SNX29: variants seen among roughly 807,000 people sequenced by gnomAD.
SNX29 encodes the protein sorting nexin-29.
SNX29 carries 78 observed loss-of-function variants against 102.1 expected under a neutral mutation model. The observed-to-expected ratio is 0.76, with a 90% CI of 0.64 to 0.92. The LOEUF is 0.92. Among genes scored for constraint, SNX29 ranks in the 40% least tolerant of loss-of-function variants. The probability of loss-of-function intolerance (pLI) is 0.00; values close to 1 mark genes in which losing one functional copy is unlikely to be tolerated. For missense variants in SNX29, 1,280 were observed against 1,061.7 expected (o/e 1.21, Z -2.86); for synonymous variants, 580 against 414.5 (o/e 1.40, Z -4.85).
intron 13 of SNX29, among the ~76,000 whole-genome samples, chr16:12,197,532 C>G (rs2076807751): frequency 6.6e-6 from 1 of 152,196 alleles, no homozygotes; most frequent in African/African-American, 2.4e-5. Flanking sequence ...GATCATGCTA[C>G]TGCACTCCAG....
chr16:12,238,241 A>T (rs2077995586), intron 14 of SNX29, among the ~76,000 whole-genome samples: 2 of 150,882 alleles, frequency 1.3e-5, no homozygotes, highest in South Asian at 4.2e-4. Context: ...TGTGAAAGGG[A>T]GGAAATTAAG....
chr16:12,386,141 G>A (rs983138630), intron 16 of SNX29, among the ~76,000 whole-genome samples: 3 of 152,208 alleles, frequency 2.0e-5, no homozygotes, highest in African/African-American at 7.2e-5. Flanking sequence ...CTCTGAGCCA[G>A]CACCTCCTGA....
intron 20 of SNX29, chr16:12,556,586 G>A (rs1202077478): frequency 2.0e-5 from 3 of 152,298 alleles, no homozygotes; most frequent in Non-Finnish European, 2.9e-5. Flanking sequence ...GGGAAGCTAT[G>A]GAAGGGTTTG....
intron 14 of SNX29, among the ~76,000 whole-genome samples, chr16:12,246,004 A>G (rs986848495): frequency 3.3e-5 from 5 of 152,226 alleles, no homozygotes; most frequent in Non-Finnish European, 5.9e-5. Flanking sequence ...AACAGAGTGG[A>G]TAAGTCAACA....
chr16:12,410,419 A>G, intron 18 of SNX29, among the ~76,000 whole-genome samples: 1 of 152,140 alleles, frequency 6.6e-6, no homozygotes, highest in South Asian at 2.1e-4. Flanking sequence ...CCCATCCTGC[A>G]GAACAAAATC....
At chr16:12,369,325 G>C (rs2082598868) in intron 16 of SNX29, among the ~76,000 whole-genome samples, 1 of 151,682 alleles carries the variant, frequency 6.6e-6, no homozygotes, top group South Asian at 2.1e-4. Flanking sequence ...TAGTAAAGAT[G>C]GGGTTTCACC....
chr16:12,177,544 T>G (rs898539690), intron 13 of SNX29, among the ~76,000 whole-genome samples: 8 of 152,244 alleles, frequency 5.3e-5, no homozygotes, highest in African/African-American at 1.9e-4. Flanking sequence ...GACTGTCATA[T>G]TCTCTCACAG....
intron 3 of SNX29, among the ~76,000 whole-genome samples, chr16:12,003,274 A>T (rs1596564879): frequency 6.6e-6 from 1 of 152,160 alleles, no homozygotes; most frequent in East Asian, 1.9e-4. Flanking sequence ...TTCTCTTTCT[A>T]GGAATCTATT....
At chr16:12,192,514 T>G (rs1045366987) in intron 13 of SNX29, among the ~76,000 whole-genome samples, 2 of 152,054 alleles carry the variant, frequency 1.3e-5, no homozygotes, top group Admixed American at 6.6e-5. Flanking sequence ...CCTTTTTAAT[T>G]TATTTTTTTG....
intron 18 of SNX29, among the ~76,000 whole-genome samples, chr16:12,439,459 C>T (rs1267075933): frequency 1.3e-5 from 2 of 151,842 alleles, no homozygotes; most frequent in Non-Finnish European, 2.9e-5. Context: ...AATGGACTCA[C>T]AGTTCCCATG....
chr16:11,989,611 T>C (rs2150983234), intron 1 of SNX29, among the ~76,000 whole-genome samples: 1 of 152,350 alleles, frequency 6.6e-6, no homozygotes, highest in Non-Finnish European at 1.5e-5. Flanking sequence ...GTCCTTTTTA[T>C]TTAAAGTAGC....
At chr16:12,021,178 G>A (rs2057009330) in intron 3 of SNX29, among the ~76,000 whole-genome samples, 1 of 152,174 alleles carries the variant, frequency 6.6e-6, no homozygotes, top group South Asian at 2.1e-4. Flanking sequence ...TGGAATCCCA[G>A]CACTTTGGGA....
At chr16:12,282,473 T>TA (rs1204886465) in intron 15 of SNX29, among the ~76,000 whole-genome samples, 11 of 152,148 alleles carry the variant, frequency 7.2e-5, no homozygotes, top group African/African-American at 2.7e-4. Context: ...GACATTGTCT[T>TA]TTAAATTGTA....
chr16:12,556,161 G>C (rs1416771779), intron 20 of SNX29, among the ~76,000 whole-genome samples: 1 of 152,064 alleles, frequency 6.6e-6, no homozygotes, highest in African/African-American at 2.4e-5. Flanking sequence ...AAATCGCTTT[G>C]TCGCCATGAC....
At position 12,102,036 on chromosome 16, in the gene SNX29, G is replaced by A. The variant is rs534926962; in HGVS notation, c.1402+23121G>A. On this transcript the variant is annotated intron_variant, in intron 11 of 20. Coordinates refer to ENST00000566228, the MANE Select transcript of SNX29 (RefSeq NM_032167.5). ...GCGGTGTTTGGTCTTTTGTCCTTGT[G>A]ATAATTTGCTGAGAATGATGGTTTC... 3.3e-5 allele frequency among the ~76,000 whole-genome samples: 5 copies of A among 152,264 alleles called. No individual in the cohort carries two copies. The South Asian group carries it at 1.0e-3, about 32-fold the overall frequency.
intron 18 of SNX29, among the ~76,000 whole-genome samples, chr16:12,425,862 T>TGACAGAAATAACCATTTC (rs1397811824): frequency 3.9e-5 from 6 of 152,270 alleles, no homozygotes; most frequent in Admixed American, 2.0e-4. Context: ...TGGGCACTGT[T>TGACAGAAATAACCATTTC]GACAGAAATA....
chr16:12,539,934 T>C (rs1185123450), intron 20 of SNX29, among the ~76,000 whole-genome samples: 1 of 152,238 alleles, frequency 6.6e-6, no homozygotes, highest in African/African-American at 2.4e-5. Context: ...TTGTATATGT[T>C]AGATGCAAGA....
At chr16:12,548,909 G>A (rs1231445582) in intron 20 of SNX29, among the ~76,000 whole-genome samples, 1 of 152,210 alleles carries the variant, frequency 6.6e-6, no homozygotes, top group African/African-American at 2.4e-5. Flanking sequence ...CACTCGGGCT[G>A]TAGGTATTCT....
chr16:12,163,203 A>T (rs2055864924), intron 13 of SNX29, among the ~76,000 whole-genome samples: 3 of 152,104 alleles, frequency 2.0e-5, no homozygotes, highest in Non-Finnish European at 4.4e-5. Flanking sequence ...CTGATGGTAG[A>T]TAGGAATGTC....
Sources: gnomAD v4.1 joint callset for allele counts (sites outside exome capture counted in the v4.1 genomes callset) on GRCh38, gnomAD v4.1.1 for gene constraint, MANE v1.5 for transcripts, NCBI Gene and HGNC (gene_info 2026-07-23, HGNC 2026-07-21) for gene names.